ABCC4: variants seen among roughly 807,000 people sequenced by gnomAD.
ABCC4 encodes ATP binding cassette subfamily C member 4 (PEL blood group).
Under a neutral mutation model 168.5 loss-of-function variants are expected in ABCC4, and 102 were observed. That is an observed-to-expected ratio of 0.61 (90% CI 0.52 to 0.71). ABCC4 has a LOEUF of 0.71. ABCC4 is among the 30% of genes least tolerant of loss of function. The pLI is 0.00. For missense variants in ABCC4, 1,402 were observed against 1,605.8 expected (o/e 0.87, Z 2.17); for synonymous variants, 617 against 590.7 (o/e 1.04, Z -0.65).
chr13:95,251,568 A>G (rs1369711433), intron 1 of ABCC4, among the ~76,000 whole-genome samples: 1 of 152,234 alleles, frequency 6.6e-6, no homozygotes, highest in Non-Finnish European at 1.5e-5. Context: ...TTTATTAGAA[A>G]TAAACAATAC....
At chr13:95,181,852 G>A (rs2037905481) in intron 11 of ABCC4, among the ~76,000 whole-genome samples, 3 of 152,094 alleles carry the variant, frequency 2.0e-5, no homozygotes. Context: ...GTTACTTAAA[G>A]GCAATACTGA....
chr13:95,148,738 A>G (rs2036579071), intron 19 of ABCC4, among the ~76,000 whole-genome samples: 1 of 152,126 alleles, frequency 6.6e-6, no homozygotes, highest in Non-Finnish European at 1.5e-5. Context: ...CATGAGAATT[A>G]AAGGGAGAGA....
intron 27 of ABCC4, among the ~76,000 whole-genome samples, chr13:95,044,725 C>G (rs193111543): frequency 1.3e-5 from 2 of 152,212 alleles, no homozygotes; most frequent in East Asian, 3.9e-4. Context: ...GTTAATACTG[C>G]CTGGGCCAAT....
At chr13:95,278,445 A>G (rs1594430602) in intron 1 of ABCC4, among the ~76,000 whole-genome samples, 1 of 152,164 alleles carries the variant, frequency 6.6e-6, no homozygotes, top group South Asian at 2.1e-4. Context: ...GAAACGGCAG[A>G]GGTCCTCCAT....
At chr13:95,301,107 A>G (rs1322347809) in intron 1 of ABCC4, 134 bp downstream of exon 1, 1 of 817,804 alleles carries the variant, frequency 1.2e-6, no homozygotes, top group Non-Finnish European at 1.8e-6. Flanking sequence ...CCCGGCGTGG[A>G]CCGCGTGGCG....
At chr13:95,107,013 T>C (rs529848670) in intron 20 of ABCC4, among the ~76,000 whole-genome samples, 13 of 152,140 alleles carry the variant, frequency 8.5e-5, no homozygotes, top group Middle Eastern at 3.4e-3. Flanking sequence ...TCCCAGCACA[T>C]TGGGAGGCTG....
chr13:95,298,215 G>A (rs892378586), intron 1 of ABCC4, among the ~76,000 whole-genome samples: 1 of 152,270 alleles, frequency 6.6e-6, no homozygotes, highest in Middle Eastern at 3.4e-3. Context: ...CTTGAACCCA[G>A]GAGGCAGAGG....
intron 30 of ABCC4, among the ~76,000 whole-genome samples, chr13:95,024,647 G>A (rs2031298708): frequency 6.6e-6 from 1 of 152,078 alleles, no homozygotes; most frequent in Non-Finnish European, 1.5e-5. Context: ...TGATGTGTAT[G>A]GCCCTAATTC....
At chr13:95,182,322 C>G (rs2037924466) in intron 11 of ABCC4, among the ~76,000 whole-genome samples, 1 of 132,616 alleles carries the variant, frequency 7.5e-6, no homozygotes, top group Non-Finnish European at 1.6e-5. Context: ...AAACATTAAA[C>G]TCCAATTTAT....
intron 19 of ABCC4, among the ~76,000 whole-genome samples, chr13:95,139,057 C>A (rs1028234823): frequency 6.6e-6 from 1 of 152,236 alleles, no homozygotes; most frequent in African/African-American, 2.4e-5. Context: ...GAGCCAATCC[C>A]AAGCCCAGCC....
chr13:95,240,268 C>T (rs576060721), intron 3 of ABCC4, among the ~76,000 whole-genome samples: 31 of 152,312 alleles, frequency 2.0e-4, no homozygotes, highest in African/African-American at 7.5e-4. Flanking sequence ...CGCGGCTGGG[C>T]GCGATGTAAT....
At chr13:95,269,257 C>T in intron 1 of ABCC4, 1 of 450,856 alleles carries the variant, frequency 2.2e-6, no homozygotes, top group Non-Finnish European at 4.4e-6. Flanking sequence ...TTTGCCATAC[C>T]TAAATCTTCC....
intron 30 of ABCC4, among the ~76,000 whole-genome samples, chr13:95,030,782 T>TA (rs2031845789): frequency 6.6e-6 from 1 of 152,222 alleles, no homozygotes; most frequent in African/African-American, 2.4e-5. Context: ...TGCTGTGGGT[T>TA]AAGCCAGCTA....
intron 27 of ABCC4, among the ~76,000 whole-genome samples, chr13:95,051,106 TA>T (rs547796783): frequency 1.9e-4 from 29 of 152,302 alleles, no homozygotes; most frequent in African/African-American, 6.3e-4. Context: ...TTCACAAATT[TA>T]AATGAAATCA....
At position 95,170,591 on chromosome 13, in the gene ABCC4, A is replaced by G. The variant is rs1421554031; in HGVS notation, c.1765T>C (p.Leu589=). The G allele has an allele frequency of 1.9e-6, 3 of 1,612,368 alleles. No individual in the cohort carries two copies. Among genetic ancestry groups the G allele is most frequent in the Middle Eastern group, 1.6e-4 (1 of 6,062 alleles). ...AGGTACTGCAACTGATGAGTCACTA[A>G]AATTGTGATCTTCTCATGCAAAATT... ...CQILHEKITI[L]VTHQLQYLKA... is the part of the protein sequence containing the mutation. Residue 589 remains leucine, a synonymous_variant, in exon 14 of 31, where the codon TTA becomes CTA. Transcript: ENST00000645237.
chr13:95,262,059 A>G (rs948075315), intron 1 of ABCC4, among the ~76,000 whole-genome samples: 2 of 152,202 alleles, frequency 1.3e-5, no homozygotes, highest in African/African-American at 2.4e-5. Flanking sequence ...AACAATGATC[A>G]AAAGTATCCA....
intron 29 of ABCC4, among the ~76,000 whole-genome samples, chr13:95,042,416 G>GC (rs1338063507): frequency 6.6e-6 from 1 of 152,156 alleles, no homozygotes; most frequent in Admixed American, 6.5e-5. Flanking sequence ...AACAGTGAAT[G>GC]CTGCGTTTGA....
At chr13:95,089,427 G>A (rs1056621567) in intron 20 of ABCC4, among the ~76,000 whole-genome samples, 5 of 152,102 alleles carry the variant, frequency 3.3e-5, no homozygotes, top group African/African-American at 4.8e-5. Context: ...AGACCAGCCT[G>A]GCCAACATGG....
intron 20 of ABCC4, among the ~76,000 whole-genome samples, chr13:95,083,711 T>G (rs2034173092): frequency 6.6e-6 from 1 of 151,960 alleles, no homozygotes; most frequent in African/African-American, 2.4e-5. Flanking sequence ...TTAGTAGAGA[T>G]GGTGTTTCAC....
Sources: gnomAD v4.1 joint callset for allele counts (sites outside exome capture counted in the v4.1 genomes callset) on GRCh38, gnomAD v4.1.1 for gene constraint, MANE v1.5 for transcripts, NCBI Gene and HGNC (gene_info 2026-07-23, HGNC 2026-07-21) for gene names.